Variants in CLEC16A observed in about 807,000 individuals in gnomAD.
The protein encoded by CLEC16A is C-type lectin domain containing 16A, also known as protein CLEC16A.
In CLEC16A, 51 loss-of-function variants were observed where a neutral mutation model predicts 109.5. That is an observed-to-expected ratio of 0.47 (90% CI 0.37 to 0.59). The LOEUF is 0.59. CLEC16A is among the 20% of genes least tolerant of loss of function. CLEC16A has a pLI of 0.00. For missense variants in CLEC16A, 1,339 were observed against 1,394.0 expected (o/e 0.96, Z 0.63); for synonymous variants, 673 against 564.2 (o/e 1.19, Z -2.73).
At chr16:11,175,939 C>T (rs1438829088) in intron 23 of CLEC16A, among the ~76,000 whole-genome samples, 3 of 152,198 alleles carry the variant, frequency 2.0e-5, no homozygotes, top group Admixed American at 6.5e-5. Context: ...TTTAAGAAAA[C>T]GTGAAGGTAA....
At chr16:11,103,355 G>T (rs755371527) in intron 19 of CLEC16A, among the ~76,000 whole-genome samples, 8 of 152,160 alleles carry the variant, frequency 5.3e-5, no homozygotes, top group Admixed American at 3.3e-4. Context: ...TGAGGTGGGC[G>T]GATCACCTGA....
In CLEC16A at chr16:10,961,653, G is replaced by A. The variant is rs929679078; in HGVS notation, c.210-802G>A. Among the ~76,000 whole-genome samples the A allele has an allele frequency of 6.6e-6, 1 of 152,200 alleles. No homozygotes were observed. The highest frequency in any genetic ancestry group is 2.4e-5 in the African/African-American group (1 of 41,442). On this transcript the variant is annotated intron_variant, in intron 2 of 23. Coordinates refer to ENST00000409790, the MANE Select transcript of CLEC16A (RefSeq NM_015226.3). The surrounding 1 kb of genome is among the most constrained non-coding windows in gnomAD (Gnocchi z 4.3). The stretch of plus-strand genomic sequence containing the variant: ...AAGGAGAAAGGCAGAAACAGACCTG[G>A]GGATGGGTTAGTAGGGTTTCTCCAC...
intron 1 of CLEC16A, among the ~76,000 whole-genome samples, chr16:10,952,433 G>A (rs971866969): frequency 5.3e-5 from 8 of 152,214 alleles, no homozygotes; most frequent in Non-Finnish European, 7.3e-5. Flanking sequence ...GGCGGAGGCC[G>A]CAGTGAGCCA....
rs542271138 is a variant in CLEC16A, at chr16:11,168,702, G to A, written c.2806+2150G>A. ...TGCAATCTCCCTCCCAGTCCACCCA[G>A]ACCAAAGCATATGGGCTTCCCATGT... is the stretch of plus-strand genomic sequence containing the variant. On this transcript the variant is annotated intron_variant, in intron 23 of 23. Coordinates refer to ENST00000409790, the MANE Select transcript of CLEC16A (RefSeq NM_015226.3). Among the ~76,000 whole-genome samples, 7 of 152,360 alleles carry A rather than the reference G, an allele frequency of 4.6e-5. No individual in the cohort carries two copies. The South Asian group carries it at 1.2e-3, about 27-fold the overall frequency.
At position 11,166,409 on chromosome 16, in the gene CLEC16A, T is replaced by C; in HGVS notation, c.2663T>C (p.Ile888Thr). ...GCAGGCTTCGCCGTGGCCCAGTGCA[T>C]AAACCAGCACAGCTCCCCGTCCCTG... ...KVPGFAVAQC[I>T]NQHSSPSLSS... Residue 888 changes from isoleucine to threonine, a missense_variant, in exon 23 of 24, where the codon ATA becomes ACA. Transcript: ENST00000409790. 1 of 1,604,510 alleles carries C rather than the reference T, an allele frequency of 6.2e-7. No homozygotes were observed.
At chr16:11,098,948 C>G (rs2050755801) in intron 19 of CLEC16A, among the ~76,000 whole-genome samples, 1 of 152,240 alleles carries the variant, frequency 6.6e-6, no homozygotes, top group Non-Finnish European at 1.5e-5. Context: ...GGAATCCCTT[C>G]CAGCAGTGAG....
chr16:11,105,827 G>A (rs1314327049), intron 19 of CLEC16A, among the ~76,000 whole-genome samples: 2 of 152,220 alleles, frequency 1.3e-5, no homozygotes, highest in Non-Finnish European at 2.9e-5. Context: ...GTTGCTGAGT[G>A]AGCCAGTGAC....
intron 10 of CLEC16A, among the ~76,000 whole-genome samples, chr16:10,995,376 T>G (rs2044266302): frequency 1.3e-5 from 2 of 152,228 alleles, no homozygotes; most frequent in Admixed American, 1.3e-4. Flanking sequence ...ACCTTGCCAG[T>G]CCTGGCGCCT....
At chr16:11,168,553 C>T (rs866319391) in intron 23 of CLEC16A, among the ~76,000 whole-genome samples, 21 of 152,334 alleles carry the variant, frequency 1.4e-4, no homozygotes, top group African/African-American at 4.1e-4. Flanking sequence ...AGGGCCATGC[C>T]CGGTGGGCAG....
intron 22 of CLEC16A, among the ~76,000 whole-genome samples, chr16:11,154,684 G>T (rs1212860404): frequency 6.6e-6 from 1 of 152,180 alleles, no homozygotes; most frequent in African/African-American, 2.4e-5. Flanking sequence ...CAGCACTTTG[G>T]GAGGCTGAGG....
intron 19 of CLEC16A, among the ~76,000 whole-genome samples, chr16:11,062,064 C>T (rs898253020): frequency 6.6e-6 from 1 of 152,154 alleles, no homozygotes; most frequent in African/African-American, 2.4e-5. Context: ...ACATGACCAT[C>T]CCTGAACCAG....
chr16:11,009,953 A>C (rs1332250932), intron 11 of CLEC16A, among the ~76,000 whole-genome samples: 1 of 152,154 alleles, frequency 6.6e-6, no homozygotes, highest in African/African-American at 2.4e-5. Flanking sequence ...CAGAAGTTCA[A>C]GACCAGCCAG....
chr16:10,994,148 T>G (rs2147147144), intron 10 of CLEC16A, among the ~76,000 whole-genome samples: 1 of 152,336 alleles, frequency 6.6e-6, no homozygotes, highest in Middle Eastern at 3.4e-3. Flanking sequence ...TAACTGGTAA[T>G]TCATGGAGAA....
intron 22 of CLEC16A, among the ~76,000 whole-genome samples, chr16:11,155,050 C>T (rs1219054930): frequency 2.0e-5 from 3 of 151,966 alleles, no homozygotes; most frequent in African/African-American, 7.3e-5. Flanking sequence ...CTGAGCCTGG[C>T]GAGGTCAAGA....
chr16:11,090,078 G>C (rs542240420), intron 19 of CLEC16A, among the ~76,000 whole-genome samples: 18 of 152,158 alleles, frequency 1.2e-4, no homozygotes, highest in African/African-American at 3.6e-4. Context: ...CCAGAAATAC[G>C]CTTGCTTATT....
At chr16:10,946,909 T>G (rs539048215) in intron 1 of CLEC16A, among the ~76,000 whole-genome samples, 1 of 152,334 alleles carries the variant, frequency 6.6e-6, no homozygotes, top group African/African-American at 2.4e-5. Flanking sequence ...AGGATTTGAC[T>G]CCCGAGCTTG....
At chr16:10,952,275 G>T (rs938312155) in intron 1 of CLEC16A, among the ~76,000 whole-genome samples, 7 of 152,328 alleles carry the variant, frequency 4.6e-5, no homozygotes, top group South Asian at 2.1e-4. Context: ...AGGCAGATCA[G>T]TTGAGGTCTG....
intron 22 of CLEC16A, among the ~76,000 whole-genome samples, chr16:11,163,418 G>T (rs941613440): frequency 6.6e-6 from 1 of 152,212 alleles, no homozygotes; most frequent in African/African-American, 2.4e-5. Context: ...GTGGGTGAGG[G>T]AGAGATGTGT....
chr16:11,170,647 C>G (rs968437573), intron 23 of CLEC16A, among the ~76,000 whole-genome samples: 1 of 152,190 alleles, frequency 6.6e-6, no homozygotes, highest in Non-Finnish European at 1.5e-5. Context: ...TGGCTCATCT[C>G]CCTGCATCTT....
Sources: allele counts gnomAD v4.1 joint callset (sites outside exome capture counted in the v4.1 genomes callset), GRCh38; gene constraint gnomAD v4.1.1; non-coding constraint Gnocchi (gnomAD v3.1); transcripts MANE v1.5; gene names NCBI Gene and HGNC (gene_info 2026-07-23, HGNC 2026-07-21).